The following FOXM1 variants were observed in gnomAD, a reference collection of about 807,000 sequenced individuals.
FOXM1 encodes the protein forkhead box M1, also known as forkhead box protein M1.
A neutral mutation model predicts 63.6 loss-of-function variants in FOXM1; 25 were observed. The observed-to-expected ratio is 0.39, with a 90% CI of 0.29 to 0.55. FOXM1 has a LOEUF of 0.55. Ranked by LOEUF, FOXM1 falls within the 20% of genes least tolerant of loss-of-function variation. FOXM1 has a pLI of 0.60. For synonymous variants in FOXM1, 387 were observed against 376.9 expected (o/e 1.03, Z -0.31); for missense variants, 879 against 958.7 (o/e 0.92, Z 1.10).
chr12:2,873,299 T>C (rs2098136291), intron 2 of FOXM1, among the ~76,000 whole-genome samples: 1 of 147,706 alleles, frequency 6.8e-6, no homozygotes, highest in Non-Finnish European at 1.5e-5. Context: ...CTCAGAAGGC[T>C]GAGGCAGGAG....
chr12:2,872,091 T>C lies in FOXM1; in HGVS notation c.654+5A>G. 1 of 1,614,168 alleles carries C rather than the reference T, an allele frequency of 6.2e-7. No individual in the cohort carries two copies. The highest frequency in any genetic ancestry group is 8.5e-7 in the Non-Finnish European group (1 of 1,179,986). ...ATTTCTTTAGTGAGGGACGGAACAA[T>C]TCACCTTAACCTGTCGCTGCTCCAG... On this transcript the variant is annotated splice_donor_5th_base_variant and intron_variant, in intron 3 of 8. Coordinates refer to ENST00000359843, the MANE Select transcript of FOXM1 (RefSeq NM_021953.4). This position sits in a 1 kb window ranked among gnomAD's most constrained non-coding sequence, Gnocchi z 4.0.
At chr12:2,869,611 T>C (rs1035865898) in intron 3 of FOXM1, among the ~76,000 whole-genome samples, 1 of 152,024 alleles carries the variant, frequency 6.6e-6, no homozygotes, top group African/African-American at 2.4e-5. Flanking sequence ...ACTTTTTTTG[T>C]ATTTTTAGTA....
intron 8 of FOXM1, chr12:2,859,912 G>GTA (rs1603499271): frequency 4.6e-6 from 2 of 439,420 alleles, no homozygotes; most frequent in Non-Finnish European, 8.1e-6. Flanking sequence ...GTCTTACACT[G>GTA]TATACAAAGA....
In FOXM1 at chr12:2,868,612, A is replaced by G; in HGVS notation, c.797T>C (p.Ile266Thr). ...CTTAAAGTAGGGAAAGTGGTCCTCA[A>G]TCCACGTATAGATGTCTTTCAAAGT... is the stretch of plus-strand genomic sequence containing the variant. ...RMTLKDIYTW[I>T]EDHFPYFKHI... Residue 266 changes from isoleucine to threonine, a missense_variant, in exon 4 of 9, where the codon ATT (isoleucine) becomes ACT (threonine). Transcript: ENST00000359843. 6.2e-7 allele frequency: 1 copy of G among 1,613,798 alleles called. No individual in the cohort carries two copies. The highest frequency in any genetic ancestry group is 8.5e-7 in the Non-Finnish European group (1 of 1,179,910).
chr12:2,861,201 A>G, intron 8 of FOXM1: 1 of 630,972 alleles, frequency 1.6e-6, no homozygotes, highest in Non-Finnish European at 2.8e-6. Context: ...ACAAATTGAT[A>G]ACAAAACCTA....
chr12:2,860,746 C>G (rs575148829), intron 8 of FOXM1, among the ~76,000 whole-genome samples: 143 of 151,948 alleles, frequency 9.4e-4, no homozygotes, highest in African/African-American at 3.3e-3. Flanking sequence ...GTGGCATGCA[C>G]CTGTAATCCC....
Position 2,865,419 on chromosome 12 carries a change from G to T in FOXM1, c.976-20C>A, listed in dbSNP as rs1467099506. 2 of 1,607,820 alleles carry T rather than the reference G, an allele frequency of 1.2e-6. No homozygotes were observed. The highest frequency in any genetic ancestry group is 4.5e-5 in the East Asian group (2 of 44,592). On this transcript the variant is annotated intron_variant, in intron 5 of 8. Transcript: ENST00000359843. ...CAGTGGCTGGTGGCGGCCAGGCATT[G>T]TGGGAGAGAAATGAGATGAAGTTAC...
At chr12:2,868,496 C>G in intron 4 of FOXM1, 67 bp downstream of exon 4, 1 of 1,121,842 alleles carries the variant, frequency 8.9e-7, no homozygotes, top group Non-Finnish European at 1.3e-6. Context: ...ATACAAGTTG[C>G]AGTACAGCAC....
intron 8 of FOXM1, 68 bp from the exon 9 acceptor site, chr12:2,859,731 G>A (rs1164105928): frequency 7.8e-6 from 9 of 1,157,424 alleles, no homozygotes; most frequent in South Asian, 1.5e-5. Flanking sequence ...TATCACATAC[G>A]GGTTCTGATC....
Position 2,864,672 on chromosome 12 carries a change from C to G in FOXM1, c.1090+11G>C, listed in dbSNP as rs763565934. The stretch of plus-strand genomic sequence containing the variant: ...AAGGACCAGGCCCAAGGCCCACTCT[C>G]CCATACTAACGTGCGCCCAGGGGGA... On this transcript the variant is annotated intron_variant, in intron 7 of 8. Transcript: ENST00000359843. This position sits in a 1 kb window ranked among gnomAD's most constrained non-coding sequence, Gnocchi z 5.1. 5.0e-6 allele frequency: 8 copies of G among 1,613,818 alleles called. No homozygotes were observed. Among genetic ancestry groups the G allele is most frequent in the Admixed American group, 3.3e-5 (2 of 60,006 alleles).
chr12:2,868,820 TGAA>T, intron 3 of FOXM1, 66 bp from the exon 4 acceptor site: 1 of 1,314,012 alleles, frequency 7.6e-7, no homozygotes, highest in South Asian at 1.4e-5. Context: ...CCCAAGCCCT[TGAA>T]GAACATCTAG....
chr12:2,860,637 C>T (rs908370466), intron 8 of FOXM1, among the ~76,000 whole-genome samples: 2 of 152,026 alleles, frequency 1.3e-5, no homozygotes, highest in African/African-American at 4.8e-5. Flanking sequence ...CTTTGGGAGG[C>T]CAAGGCAGGC....
In FOXM1 at chr12:2,858,372, G is replaced by A. The variant is rs28919871; in HGVS notation, c.*266C>T. 2.1e-3 allele frequency: 916 copies of A among 445,894 alleles called. 9 individuals are homozygous for A. Among genetic ancestry groups the A allele is most frequent in the African/African-American group, 0.016 (851 of 51,580 alleles). The allele number at this position is 445,894 out of a possible 1,614,324, so 27.6% of individuals were successfully genotyped here. A position where few individuals can be genotyped will look rare whatever the true frequency, so the allele number is the denominator to read the frequency against. On this transcript the variant is annotated 3_prime_UTR_variant, in exon 9 of 9. Coordinates refer to ENST00000359843, the MANE Select transcript of FOXM1 (RefSeq NM_021953.4). ...GCAGAGAATGGAAACAGGCTGGGGG[G>A]TTCCTAATCTCTTTTCACCATTGCC...
At chr12:2,868,432 A>G (rs2098127428) in intron 4 of FOXM1, 131 bp downstream of exon 4, 1 of 660,386 alleles carries the variant, frequency 1.5e-6, no homozygotes, top group Non-Finnish European at 2.6e-6. Context: ...TCACAATCTA[A>G]AAGATACATT....
Position 2,864,517 on chromosome 12 carries a change from C to G in FOXM1, c.1091-22G>C, listed in dbSNP as rs751760299. ...CGCCCTAGGAGGAAACACGAGAGAT[C>G]AGGAGCAGGGGGACTGGAGTACACC... On this transcript the variant is annotated intron_variant, in intron 7 of 8. Transcript: ENST00000359843. The surrounding 1 kb of genome is among the most constrained non-coding windows in gnomAD (Gnocchi z 5.1). The G allele has an allele frequency of 2.5e-6, 4 of 1,605,566 alleles. No individual in the cohort carries two copies. The South Asian group carries it at 3.3e-5, about 13-fold the overall frequency.
At position 2,864,214 on chromosome 12, in the gene FOXM1, AG is replaced by A; in HGVS notation, c.1266+105del. The A allele has an allele frequency of 9.9e-7, 1 of 1,006,490 alleles. No homozygotes were observed. Among genetic ancestry groups the A allele is most frequent in the Non-Finnish European group, 1.5e-6 (1 of 679,032 alleles). 62.3% of individuals were successfully genotyped at this position (1,006,490 alleles called of 1,614,324 possible). ...GTTTTTATGCCTTTTCTACCCAACT[AG>A]ATTTATAAGCTCTCAAGGAACACTT... is the stretch of plus-strand genomic sequence containing the variant. On this transcript the variant is annotated intron_variant, in intron 8 of 8. Coordinates refer to ENST00000359843, the MANE Select transcript of FOXM1 (RefSeq NM_021953.4). This position sits in a 1 kb window ranked among gnomAD's most constrained non-coding sequence, Gnocchi z 5.1.
chr12:2,858,918 T>G lies in FOXM1; in HGVS notation c.2012A>C (p.Glu671Ala), dbSNP rs903678903. 9 of 1,613,552 alleles carry G rather than the reference T, an allele frequency of 5.6e-6. No homozygotes were observed. In the African/African-American group the frequency reaches 9.4e-5, roughly 17 times the overall value. The change falls in exon 9 of 9, where the codon GAA becomes GCA. Residue 671 changes from glutamate (E) to alanine (A), a missense_variant. Transcript: ENST00000359843. ...TTPLQSAPPL[E>A]SPQRLLSSEP... ...TGAACTGAGGAGCCTTTGCGGTGAT[T>G]CAAGGGGGGGAGCACTTTGCAAGGG...
At chr12:2,867,285 A>G (rs28918669) in intron 4 of FOXM1, among the ~76,000 whole-genome samples, 3,640 of 151,852 alleles carry the variant, frequency 0.024, 153 homozygotes, top group African/African-American at 0.082. Flanking sequence ...GCAACATAGT[A>G]ACCAGCCTGG....
Position 2,864,793 on chromosome 12 carries a change from C to T in FOXM1, c.1021-41G>A, listed in dbSNP as rs1407342506. ...GGGGAGAGAAAGAAACCTATGTTAA[C>T]ACAATAAGGTAAAGAGGGGATGGCA... On this transcript the variant is annotated intron_variant, in intron 6 of 8. Transcript: ENST00000359843. This position sits in a 1 kb window ranked among gnomAD's most constrained non-coding sequence, Gnocchi z 5.1. 4.4e-6 allele frequency: 7 copies of T among 1,606,562 alleles called. No homozygotes were observed. The highest frequency in any genetic ancestry group is 6.0e-6 in the Non-Finnish European group (7 of 1,173,342).
Sources: gnomAD v4.1 joint callset for allele counts (sites outside exome capture counted in the v4.1 genomes callset) on GRCh38, gnomAD v4.1.1 for gene constraint, Gnocchi (gnomAD v3.1) non-coding constraint, MANE v1.5 for transcripts, NCBI Gene and HGNC (gene_info 2026-07-23, HGNC 2026-07-21) for gene names.